The following SOBP variants were observed in gnomAD, a reference collection of about 807,000 sequenced individuals.
SOBP encodes the protein sine oculis-binding protein homolog.
In SOBP, 4 loss-of-function variants were observed where a neutral mutation model predicts 53.6. That is an observed-to-expected ratio of 0.07 (90% CI 0.04 to 0.17). The LOEUF is 0.17. SOBP is among the 10% of genes least tolerant of loss of function. The probability of loss-of-function intolerance (pLI) is 1.00; values close to 1 mark genes in which losing one functional copy is unlikely to be tolerated. For synonymous variants in SOBP, 584 were observed against 522.6 expected, an observed-to-expected ratio of 1.12 and a Z score of -1.60; for missense variants, 1,088 against 1,204.7, an observed-to-expected ratio of 0.90 and a Z score of 1.43.
intron 3 of SOBP, among the ~76,000 whole-genome samples, chr6:107,520,636 T>C (rs896349708): frequency 6.6e-6 from 1 of 152,192 alleles, no homozygotes; most frequent in Non-Finnish European, 1.5e-5. Flanking sequence ...TAACAGGAAA[T>C]AAGAGGAAAT....
intron 1 of SOBP, 50 bp from the exon 2 acceptor site, chr6:107,503,607 A>C (rs1299670378): frequency 1.2e-6 from 2 of 1,600,604 alleles, no homozygotes; most frequent in African/African-American, 2.7e-5. Flanking sequence ...CATTCTTTTC[A>C]AGTAGTTATT....
At position 107,634,974 on chromosome 6, in the gene SOBP, C is replaced by T; in HGVS notation, c.2130C>T (p.Ala710=). ...CCGCCGGCGACCCAGGCCCGGGCGC[C>T]CCGGCGGGCCCCGAGGCGGCCGCGG... The part of the protein sequence containing the change: ...PPAAGDPGPG[A]PAGPEAAAAC... The change falls in exon 6 of 7, where the codon GCC becomes GCT. Residue 710 remains alanine, a synonymous_variant. Coordinates refer to ENST00000317357, the MANE Select transcript of SOBP (RefSeq NM_018013.4). The surrounding 1 kb of genome is among the most constrained non-coding windows in gnomAD (Gnocchi z 4.5). 9.8e-7 allele frequency: 1 copy of T among 1,018,234 alleles called. No homozygotes were observed. Among genetic ancestry groups the T allele is most frequent in the East Asian group, 9.8e-5 (1 of 10,178 alleles). 63.1% of individuals were successfully genotyped at this position (1,018,234 alleles called of 1,614,324 possible). A position where few individuals can be genotyped will look rare whatever the true frequency, so the allele number is the denominator to read the frequency against.
At chr6:107,642,985 T>C (rs1357185655) in intron 6 of SOBP, among the ~76,000 whole-genome samples, 1 of 152,238 alleles carries the variant, frequency 6.6e-6, no homozygotes, top group Non-Finnish European at 1.5e-5. Context: ...TGTAATGATA[T>C]CCTCCTTGCA....
intron 3 of SOBP, among the ~76,000 whole-genome samples, chr6:107,519,924 G>A (rs1315311341): frequency 6.6e-6 from 1 of 152,188 alleles, no homozygotes; most frequent in African/African-American, 2.4e-5. Context: ...AACTCAGGAT[G>A]AAGTGCCATG....
intron 4 of SOBP, among the ~76,000 whole-genome samples, chr6:107,554,840 T>G (rs1346522385): frequency 6.6e-6 from 1 of 152,170 alleles, no homozygotes; most frequent in African/African-American, 2.4e-5. Flanking sequence ...TTGACTTTTC[T>G]TTCTACAGAG....
At chr6:107,650,118 A>C (rs924439779) in intron 6 of SOBP, among the ~76,000 whole-genome samples, 7 of 152,232 alleles carry the variant, frequency 4.6e-5, no homozygotes, top group African/African-American at 1.7e-4. Flanking sequence ...GTTATTTAAA[A>C]ATTAAAGAAA....
At chr6:107,642,223 A>T (rs550775138) in intron 6 of SOBP, among the ~76,000 whole-genome samples, 6 of 152,192 alleles carry the variant, frequency 3.9e-5, no homozygotes, top group African/African-American at 1.4e-4. Flanking sequence ...TCTTCTCCAG[A>T]TTTGTGGATT....
At chr6:107,600,666 T>C (rs1469366894) in intron 5 of SOBP, among the ~76,000 whole-genome samples, 1 of 152,210 alleles carries the variant, frequency 6.6e-6, no homozygotes, top group African/African-American at 2.4e-5. Flanking sequence ...TGGAATCAGT[T>C]CTCCTTCAGT....
chr6:107,616,095 CG>C (rs1554187937), intron 5 of SOBP, among the ~76,000 whole-genome samples: 4 of 19,646 alleles, frequency 2.0e-4, no homozygotes, highest in African/African-American at 4.8e-4. Context: ...GGGGGGGGGG[CG>C]GGGGGGCGGC....
intron 4 of SOBP, among the ~76,000 whole-genome samples, chr6:107,534,149 C>T (rs891839664): frequency 1.2e-4 from 18 of 152,136 alleles, no homozygotes; most frequent in Admixed American, 1.0e-3. Flanking sequence ...ATCATGAATA[C>T]GTGAAACAAC....
At chr6:107,498,541 A>C (rs1321597536) in intron 1 of SOBP, among the ~76,000 whole-genome samples, 11 of 152,160 alleles carry the variant, frequency 7.2e-5, no homozygotes, top group African/African-American at 2.7e-4. Flanking sequence ...ACCTGGTAAA[A>C]TGTTCAATCA....
At position 107,506,016 on chromosome 6, in the gene SOBP, A is replaced by G. The variant is rs1782981859; in HGVS notation, c.236-226A>G. On this transcript the variant is annotated intron_variant, in intron 2 of 6. Transcript: ENST00000317357. ...TTTATCACCATGATTCAACTGGAAT[A>G]TTAGCTATCATAGTGGAGCAAATTA... Among the ~76,000 whole-genome samples, 3 of 152,230 alleles carry G rather than the reference A, an allele frequency of 2.0e-5. No homozygotes were observed. In the South Asian group the frequency reaches 6.2e-4, roughly 32 times the overall value.
chr6:107,553,668 A>G (rs1784531031), intron 4 of SOBP, among the ~76,000 whole-genome samples: 1 of 152,012 alleles, frequency 6.6e-6, no homozygotes, highest in South Asian at 2.1e-4. Flanking sequence ...TTGTATTTTT[A>G]GTAGAGACAG....
At chr6:107,531,207 G>A (rs1423751613) in intron 3 of SOBP, among the ~76,000 whole-genome samples, 1 of 152,204 alleles carries the variant, frequency 6.6e-6, no homozygotes, top group Non-Finnish European at 1.5e-5. Context: ...TAATGAGGGG[G>A]ACCTAATGCA....
At chr6:107,617,684 T>G (rs1786842400) in intron 5 of SOBP, among the ~76,000 whole-genome samples, 1 of 152,148 alleles carries the variant, frequency 6.6e-6, no homozygotes, top group African/African-American at 2.4e-5. Flanking sequence ...CTCACTGGTG[T>G]TCAGCAAAGA....
At chr6:107,547,657 T>C (rs1306078718) in intron 4 of SOBP, among the ~76,000 whole-genome samples, 1 of 152,206 alleles carries the variant, frequency 6.6e-6, no homozygotes, top group Non-Finnish European at 1.5e-5. Flanking sequence ...GTACTCAGCC[T>C]CTTAACACTC....
intron 3 of SOBP, 139 bp downstream of exon 3, chr6:107,506,566 G>C: frequency 3.4e-6 from 3 of 885,534 alleles, no homozygotes; most frequent in South Asian, 2.9e-5. Flanking sequence ...TGTTAATACA[G>C]GCATCACTTA....
Position 107,540,930 on chromosome 6 carries a change from A to G in SOBP, c.573+7320A>G, listed in dbSNP as rs1784131502. On this transcript the variant is annotated intron_variant, in intron 4 of 6. Transcript: ENST00000317357. ...CTTCTGTGAGGACTATTTTTAAACTATGGAATATTATTTAAAATAAATTTC... is the reference window on the plus strand; with the variant it reads ...CTTCTGTGAGGACTATTTTTAAACTGTGGAATATTATTTAAAATAAATTTC... 2.0e-5 allele frequency among the ~76,000 whole-genome samples: 3 copies of G among 152,330 alleles called. No individual in the cohort carries two copies. In the South Asian group the frequency reaches 6.2e-4, roughly 32 times the overall value.
chr6:107,568,098 C>T (rs950387676), intron 4 of SOBP, among the ~76,000 whole-genome samples: 31 of 152,132 alleles, frequency 2.0e-4, no homozygotes, highest in African/African-American at 7.5e-4. Flanking sequence ...AGAATTTCAG[C>T]TGTACCAGTA....
Sources: allele counts gnomAD v4.1 joint callset (sites outside exome capture counted in the v4.1 genomes callset), GRCh38; gene constraint gnomAD v4.1.1; non-coding constraint Gnocchi (gnomAD v3.1); transcripts MANE v1.5; gene names NCBI Gene and HGNC (gene_info 2026-07-23, HGNC 2026-07-21).